ABCD2: variants seen among roughly 807,000 people sequenced by gnomAD.
ABCD2 encodes ATP-binding cassette sub-family D member 2.
ABCD2 carries 36 observed loss-of-function variants against 70.9 expected under a neutral mutation model. The observed-to-expected ratio is 0.51, with a 90% CI of 0.39 to 0.67. The LOEUF is 0.67. ABCD2 is among the 30% of genes least tolerant of loss of function. The pLI is 0.00. For missense variants in ABCD2, 729 were observed against 890.2 expected, an observed-to-expected ratio of 0.82 and a Z score of 2.30; for synonymous variants, 304 against 306.9, an observed-to-expected ratio of 0.99 and a Z score of 0.10.
intron 7 of ABCD2, among the ~76,000 whole-genome samples, chr12:39,584,486 T>C (rs1941639200): frequency 6.6e-6 from 1 of 152,330 alleles, no homozygotes; most frequent in African/African-American, 2.4e-5. Context: ...ACTCTGTTGA[T>C]AGTTTCTTTT....
In ABCD2 at chr12:39,591,255, T is replaced by C. The variant is rs181824685; in HGVS notation, c.1647-4958A>G. 8.5e-5 allele frequency among the ~76,000 whole-genome samples: 13 copies of C among 152,330 alleles called. No homozygotes were observed. The East Asian group carries it at 2.3e-3, about 27-fold the overall frequency. ...GAAAGAACTAGATTTGAGTCATTTATAGTATTCTTAAAAAATGTGTGATAA... is the reference window on the plus strand; with the variant it reads ...GAAAGAACTAGATTTGAGTCATTTACAGTATTCTTAAAAAATGTGTGATAA... On this transcript the variant is annotated intron_variant, in intron 6 of 9. Coordinates refer to ENST00000308666, the MANE Select transcript of ABCD2 (RefSeq NM_005164.4).
At chr12:39,601,800 G>A (rs1252987187) in intron 5 of ABCD2, among the ~76,000 whole-genome samples, 1 of 152,022 alleles carries the variant, frequency 6.6e-6, no homozygotes, top group Non-Finnish European at 1.5e-5. Context: ...AAAATCTCAG[G>A]AAGAAGCTAG....
the ABCD2 span, among the ~76,000 whole-genome samples, chr12:39,544,193 C>G: frequency 6.6e-6 from 1 of 152,006 alleles, no homozygotes; most frequent in Non-Finnish European, 1.5e-5. Flanking sequence ...ATCATAGAGT[C>G]GAAGCTATCT....
At chr12:39,601,024 A>G (rs1044272785) in intron 5 of ABCD2, among the ~76,000 whole-genome samples, 7 of 152,156 alleles carry the variant, frequency 4.6e-5, no homozygotes, top group African/African-American at 9.6e-5. Flanking sequence ...CCTGGGAAAT[A>G]AGACAAATCA....
intron 2 of ABCD2, among the ~76,000 whole-genome samples, chr12:39,608,532 A>C (rs1267536979): frequency 6.6e-6 from 1 of 151,754 alleles, no homozygotes; most frequent in African/African-American, 2.4e-5. Flanking sequence ...ACCAAAAAAA[A>C]CGAAGATTAG....
chr12:39,561,829 A>T (rs150097786), intron 9 of ABCD2, among the ~76,000 whole-genome samples: 27 of 152,314 alleles, frequency 1.8e-4, no homozygotes, highest in African/African-American at 6.0e-4. Context: ...CTATATTCTA[A>T]ACCAAATGGA....
At chr12:39,562,780 G>A (rs1941279722) in intron 9 of ABCD2, among the ~76,000 whole-genome samples, 1 of 152,036 alleles carries the variant, frequency 6.6e-6, no homozygotes, top group Non-Finnish European at 1.5e-5. Flanking sequence ...AAAAATTGAA[G>A]AGGAAGGAAT....
At chr12:39,613,626 A>G (rs996484931) in intron 2 of ABCD2, among the ~76,000 whole-genome samples, 1 of 152,142 alleles carries the variant, frequency 6.6e-6, no homozygotes, top group Non-Finnish European at 1.5e-5. Flanking sequence ...ATAAGTTCCA[A>G]TGTAGCTAAT....
rs56388075 is a variant in ABCD2 at position 39,573,790 on chromosome 12, G to A, written c.1929C>T (p.Val643=). 51 of 1,613,058 alleles carry A rather than the reference G, an allele frequency of 3.2e-5. No homozygotes were observed. In the African/African-American group the frequency reaches 5.9e-4, roughly 19 times the overall value. ...TTGCAGCCTGAAATATCTTTCCTTC[G>A]ACATCAATGCTGACAGCACTGGTAC... ...DECTSAVSID[V]EGKIFQAAKG... The change falls in exon 9 of 10, where the codon GTC becomes GTT. Residue 643 remains valine, a synonymous_variant. Transcript: ENST00000308666.
At chr12:39,601,288 C>T (rs1941893423) in intron 5 of ABCD2, among the ~76,000 whole-genome samples, 1 of 151,574 alleles carries the variant, frequency 6.6e-6, no homozygotes, top group Non-Finnish European at 1.5e-5. Flanking sequence ...ATATGTTTAA[C>T]AAACCAAGGA....
At chr12:39,559,452 T>C (rs934560438) in intron 9 of ABCD2, among the ~76,000 whole-genome samples, 1 of 148,354 alleles carries the variant, frequency 6.7e-6, no homozygotes, top group African/African-American at 2.5e-5. Flanking sequence ...AAGATAAAGA[T>C]TTATAAAGCT....
At chr12:39,617,285 G>C in intron 1 of ABCD2, 117 bp from the exon 2 acceptor site, 1 of 562,952 alleles carries the variant, frequency 1.8e-6, no homozygotes, top group Non-Finnish European at 2.7e-6. Context: ...ATTAATACCA[G>C]TATTAGTTAT....
chr12:39,577,823 A>C (rs1941539871), intron 8 of ABCD2, among the ~76,000 whole-genome samples: 1 of 152,204 alleles, frequency 6.6e-6, no homozygotes, highest in South Asian at 2.1e-4. Flanking sequence ...GAAATTTTAA[A>C]AAATGAGTAG....
At chr12:39,542,480 A>G in the ABCD2 span, among the ~76,000 whole-genome samples, 1 of 152,002 alleles carries the variant, frequency 6.6e-6, no homozygotes, top group Non-Finnish European at 1.5e-5. Context: ...AAAAAAAGGA[A>G]TAAATTGGTA....
chr12:39,618,114 A>T (rs1177327937), intron 1 of ABCD2, among the ~76,000 whole-genome samples: 1 of 151,800 alleles, frequency 6.6e-6, no homozygotes, highest in Non-Finnish European at 1.5e-5. Context: ...AACTAAGAGT[A>T]GTAGAAATGC....
Position 39,556,230 on chromosome 12 carries a change from A to G in ABCD2, c.2004-2099T>C, listed in dbSNP as rs550364195. On this transcript the variant is annotated intron_variant, in intron 9 of 9. Transcript: ENST00000308666. ...GACTCTAAAAAGATGGAGATGTTTG[A>G]CCTGCCTGACAAAAAAATTAAAATA... Among the ~76,000 whole-genome samples the G allele has an allele frequency of 2.6e-5, 4 of 152,284 alleles. 1 individual carries two copies. The highest frequency in any genetic ancestry group is 9.6e-5 in the African/African-American group (4 of 41,562).
intron 8 of ABCD2, among the ~76,000 whole-genome samples, chr12:39,575,083 T>C (rs1234078948): frequency 6.6e-6 from 1 of 152,162 alleles, no homozygotes; most frequent in Non-Finnish European, 1.5e-5. Flanking sequence ...GTTTTGTGGA[T>C]GAATGATATT....
intron 6 of ABCD2, among the ~76,000 whole-genome samples, chr12:39,589,482 C>T (rs534370983): frequency 6.6e-4 from 99 of 151,136 alleles, no homozygotes; most frequent in Middle Eastern, 3.4e-3. Context: ...CTCCGCCTCC[C>T]GGGTTCTCGC....
At chr12:39,593,884 G>A (rs921709706) in intron 6 of ABCD2, among the ~76,000 whole-genome samples, 13 of 152,216 alleles carry the variant, frequency 8.5e-5, no homozygotes, top group African/African-American at 3.1e-4. Flanking sequence ...GAATAGGAAA[G>A]AGTAGAGAAT....
Sources: gnomAD v4.1 joint callset for allele counts (sites outside exome capture counted in the v4.1 genomes callset) on GRCh38, gnomAD v4.1.1 for gene constraint, MANE v1.5 for transcripts, NCBI Gene and HGNC (gene_info 2026-07-23, HGNC 2026-07-21) for gene names.